Variants in PDE1B observed in about 807,000 individuals in gnomAD.
PDE1B encodes phosphodiesterase 1B, also known as dual specificity calcium/calmodulin-dependent 3',5'-cyclic nucleotide phosphodiesterase 1B.
Under a neutral mutation model 66.7 loss-of-function variants are expected in PDE1B, and 13 were observed. The observed-to-expected ratio is 0.19, with a 90% CI of 0.13 to 0.31. The LOEUF (loss-of-function observed/expected upper bound fraction) is 0.31. PDE1B is among the 10% of genes least tolerant of loss of function. The probability of loss-of-function intolerance (pLI) is 1.00; values close to 1 mark genes in which losing one functional copy is unlikely to be tolerated. For synonymous variants in PDE1B, 230 were observed against 253.9 expected (o/e 0.91, Z 0.90); for missense variants, 485 against 682.3 (o/e 0.71, Z 3.22).
At chr12:54,550,307 G>A in intron 2 of PDE1B, 1 of 1,081,464 alleles carries the variant, frequency 9.2e-7, no homozygotes, top group Middle Eastern at 3.8e-4. Context: ...GGCAGTAGAG[G>A]TGCCAGGCTG....
At chr12:54,577,649 G>C (rs1010068014) in intron 15 of PDE1B, 3 of 1,234,256 alleles carry the variant, frequency 2.4e-6, no homozygotes, top group Non-Finnish European at 3.3e-6. Context: ...TAGGGAAAAG[G>C]AGCCCAGCCA....
Position 54,573,294 on chromosome 12 carries a change from T to C in PDE1B, c.836+46T>C, listed in dbSNP as rs758841458. The C allele has an allele frequency of 3.1e-6, 5 of 1,612,628 alleles. No individual in the cohort carries two copies. The South Asian group carries it at 5.5e-5, about 18-fold the overall frequency. On this transcript the variant is annotated intron_variant, in intron 8 of 15. Transcript: ENST00000243052. The surrounding 1 kb of genome is among the most constrained non-coding windows in gnomAD (Gnocchi z 5.2). ...AGGGGCAGGAGGGGCCAAGAGGAGG[T>C]GGGGAGGTTGCCGGAGTCCCTCCTT...
In PDE1B at chr12:54,578,951, C is replaced by G. The variant is rs1258322191; in HGVS notation, c.*1109C>G. ...TCCTGTCCTCTGGAGAGAACCCAGC[C>G]AGGCGCGGTGCCCCTTCCTCTCCTC... On this transcript the variant is annotated 3_prime_UTR_variant, in exon 16 of 16. Coordinates refer to ENST00000243052, the MANE Select transcript of PDE1B (RefSeq NM_000924.4). 2.6e-5 allele frequency: 4 copies of G among 152,332 alleles called. No individual in the cohort carries two copies. The highest frequency in any genetic ancestry group is 9.7e-5 in the African/African-American group (4 of 41,420). The allele number at this position is 152,332 out of a possible 1,614,324, so 9.4% of individuals were successfully genotyped here.
At chr12:54,577,577 C>A in intron 15 of PDE1B, 1 of 1,518,416 alleles carries the variant, frequency 6.6e-7, no homozygotes, top group South Asian at 1.3e-5. Context: ...CTCAGAACAG[C>A]AGCAGAACAG....
At chr12:54,560,467 C>G (rs1014131224) in intron 2 of PDE1B, among the ~76,000 whole-genome samples, 5 of 152,222 alleles carry the variant, frequency 3.3e-5, no homozygotes, top group Non-Finnish European at 4.4e-5. Context: ...GATCCCTGAA[C>G]TCTTTTCCCC....
At chr12:54,577,780 G>A in intron 15 of PDE1B, 80 bp from the exon 16 acceptor site, 1 of 424,842 alleles carries the variant, frequency 2.4e-6, no homozygotes, top group East Asian at 3.6e-5. Flanking sequence ...ACTGAGTGGG[G>A]ATCAGGACTT....
rs56360853 is a variant in PDE1B, at chr12:54,568,467, T to TACACACACACAC, written c.228-684_228-673dup. The stretch of plus-strand genomic sequence containing the variant: ...GATAAAGTGAGACCCTGTCTAAAAA[T>TACACACACACAC]ACACACACACACACACACACACACA... On this transcript the variant is annotated intron_variant, in intron 3 of 15. Coordinates refer to ENST00000243052, the MANE Select transcript of PDE1B (RefSeq NM_000924.4). Among the ~76,000 whole-genome samples the TACACACACACAC allele has an allele frequency of 4.9e-3, 708 of 143,458 alleles. 5 individuals are homozygous for TACACACACACAC. Among genetic ancestry groups the TACACACACACAC allele is most frequent in the African/African-American group, 0.011 (395 of 37,332 alleles). The allele number at this position is 143,458 out of a possible 152,430, so 94.1% of individuals were successfully genotyped here. A position where few individuals can be genotyped will look rare whatever the true frequency, so the allele number is the denominator to read the frequency against.
rs781477309 is a variant in PDE1B, at chr12:54,570,244, C to T, written c.481C>T (p.Leu161=). 6.3e-6 allele frequency: 10 copies of T among 1,598,854 alleles called. No individual in the cohort carries two copies. Among genetic ancestry groups the T allele is most frequent in the Non-Finnish European group, 8.6e-6 (10 of 1,166,060 alleles). The change falls in exon 6 of 16, where the codon CTG becomes TTG. Residue 161 remains leucine (L), a synonymous_variant. Coordinates refer to ENST00000243052, the MANE Select transcript of PDE1B (RefSeq NM_000924.4). ...STAVLNCLKN[L]DLWCFDVFSL... is the part of the protein sequence containing the mutation. ...ATAATCTATTGTTTCTCCATAGAAC[C>T]TGGATCTCTGGTGCTTTGATGTCTT...
chr12:54,550,854 T>C (rs1006322194), intron 2 of PDE1B, among the ~76,000 whole-genome samples: 8 of 152,096 alleles, frequency 5.3e-5, no homozygotes, highest in African/African-American at 1.4e-4. Context: ...GGAAAGGAAC[T>C]TTTCCCCTGC....
chr12:54,577,257 T>C lies in PDE1B; in HGVS notation c.1540T>C (p.Ser514Pro). 1 of 1,613,452 alleles carries C rather than the reference T, an allele frequency of 6.2e-7. No homozygotes were observed. The change falls in exon 15 of 16, where the codon TCC becomes CCC. Residue 514 changes from serine (S) to proline (P), a missense_variant. By Grantham distance (74) the Ser-to-Pro change is moderately conservative. Coordinates refer to ENST00000243052, the MANE Select transcript of PDE1B (RefSeq NM_000924.4). ...ITNQMSIDEL[S>P]PCEEEAPPSP... ...CAACCAGATGTCCATTGACGAGCTG[T>C]CCCCCTGTGAAGAAGAGGCCCCCCC...
intron 13 of PDE1B, 46 bp downstream of exon 13, chr12:54,576,146 T>A: frequency 8.5e-7 from 1 of 1,173,778 alleles, no homozygotes; most frequent in Non-Finnish European, 1.3e-6. Context: ...AGGAAGGCAG[T>A]GGTAGGGAGG....
intron 13 of PDE1B, 79 bp downstream of exon 13, chr12:54,576,179 C>G (rs1342544591): frequency 1.1e-6 from 1 of 880,292 alleles, no homozygotes; most frequent in South Asian, 1.3e-5. Flanking sequence ...CAGAGAGGAC[C>G]GACTCACAGC....
intron 2 of PDE1B, among the ~76,000 whole-genome samples, chr12:54,558,444 C>T (rs1444434731): frequency 1.3e-5 from 2 of 152,030 alleles, no homozygotes; most frequent in Non-Finnish European, 2.9e-5. Flanking sequence ...AGCTTTGCCA[C>T]TGGGGGGCTA....
chr12:54,570,284 C>G lies in PDE1B; in HGVS notation c.521C>G (p.Ala174Gly), dbSNP rs755886581. 3.7e-6 allele frequency: 6 copies of G among 1,613,538 alleles called. No individual in the cohort carries two copies. The Admixed American group carries it at 6.7e-5, about 18-fold the overall frequency. The change falls in exon 6 of 16, where the codon GCA becomes GGA. Residue 174 changes from alanine (A) to glycine (G), a missense_variant. Ala to Gly is a moderately conservative substitution (Grantham distance 60). This residue lies in a region of PDE1B where 282 missense variants were observed against 453.4 expected (regional missense o/e 0.62). Coordinates refer to ENST00000243052, the MANE Select transcript of PDE1B (RefSeq NM_000924.4). ...WCFDVFSLNQ[A>G]ADDHALRTIV... is the part of the protein sequence containing the mutation. Reference sequence around the variant, plus strand: ...TTTGATGTCTTTTCCTTGAACCAGGCAGCAGATGACCATGCCCTGAGGACC... The same window carrying G: ...TTTGATGTCTTTTCCTTGAACCAGGGAGCAGATGACCATGCCCTGAGGACC...
At chr12:54,559,551 A>G (rs1957380370) in intron 2 of PDE1B, among the ~76,000 whole-genome samples, 1 of 152,012 alleles carries the variant, frequency 6.6e-6, no homozygotes. Context: ...ATGATGGTTG[A>G]TCATTATCCC....
chr12:54,558,681 G>A (rs1246417942), intron 2 of PDE1B, among the ~76,000 whole-genome samples: 1 of 152,198 alleles, frequency 6.6e-6, no homozygotes, highest in Non-Finnish European at 1.5e-5. Context: ...CCAGAGAGAA[G>A]CCCTAAACGT....
At chr12:54,568,488 AC>A (rs1329038284) in intron 3 of PDE1B, among the ~76,000 whole-genome samples, 1 of 151,338 alleles carries the variant, frequency 6.6e-6, no homozygotes, top group East Asian at 2.0e-4. Flanking sequence ...ACACACACAC[AC>A]ACACACACAC....
chr12:54,566,510 A>G (rs577005289), intron 2 of PDE1B, among the ~76,000 whole-genome samples: 31 of 152,330 alleles, frequency 2.0e-4, no homozygotes, highest in Non-Finnish European at 4.3e-4. Context: ...CCAAGAGACA[A>G]TGAAATACTC....
Position 54,575,319 on chromosome 12 carries a change from T to G in PDE1B, c.1185+101T>G. On this transcript the variant is annotated intron_variant, in intron 11 of 15. Coordinates refer to ENST00000243052, the MANE Select transcript of PDE1B (RefSeq NM_000924.4). This position sits in a 1 kb window ranked among gnomAD's most constrained non-coding sequence, Gnocchi z 4.0. ...TGTTCCACATCCTCCTTTTGCTACC[T>G]GTAGTCTCTGACCTGATCCCAAATC... 9.3e-7 allele frequency: 1 copy of G among 1,076,592 alleles called. No individual in the cohort carries two copies. The highest frequency in any genetic ancestry group is 1.8e-5 in the Admixed American group (1 of 55,988). The allele number at this position is 1,076,592 out of a possible 1,614,324, so 66.7% of individuals were successfully genotyped here.
Sources: gnomAD v4.1 joint callset for allele counts (sites outside exome capture counted in the v4.1 genomes callset) on GRCh38, gnomAD v4.1.1 for gene constraint, gnomAD v4.1.1 regional missense constraint, Gnocchi (gnomAD v3.1) non-coding constraint, MANE v1.5 for transcripts, NCBI Gene and HGNC (gene_info 2026-07-23, HGNC 2026-07-21) for gene names.